The following RANBP10 variants were observed in gnomAD, a reference collection of about 807,000 sequenced individuals.
The protein encoded by RANBP10 is RAN binding protein 10.
Under a neutral mutation model 72.8 loss-of-function variants are expected in RANBP10, and 24 were observed. The ratio of observed to expected loss-of-function variants is 0.33; its 90% confidence interval spans 0.24 to 0.46. The LOEUF is 0.46. Among genes scored for constraint, RANBP10 ranks in the 20% least tolerant of loss-of-function variants. The probability of loss-of-function intolerance (pLI) is 1.00; values close to 1 mark genes in which losing one functional copy is unlikely to be tolerated. For synonymous variants in RANBP10, 310 were observed against 322.3 expected (o/e 0.96, Z 0.41); for missense variants, 679 against 817.5 (o/e 0.83, Z 2.07).
Position 67,730,275 on chromosome 16 carries a change from G to A in RANBP10, c.890-229C>T, listed in dbSNP as rs971372543. ...AAGAATATGGGGAAGATGGAGGGGA[G>A]ACTCTCAGCCCAAAGGCAGGAGGGT... On this transcript the variant is annotated intron_variant, in intron 7 of 13. Transcript: ENST00000317506. The surrounding 1 kb of genome is among the most constrained non-coding windows in gnomAD (Gnocchi z 4.3). Among the ~76,000 whole-genome samples, 3 of 152,192 alleles carry A rather than the reference G, an allele frequency of 2.0e-5. No homozygotes were observed. Among genetic ancestry groups the A allele is most frequent in the Admixed American group, 1.3e-4 (2 of 15,288 alleles).
chr16:67,737,890 T>C (rs1292918388), intron 5 of RANBP10, 123 bp downstream of exon 5: 2 of 1,302,212 alleles, frequency 1.5e-6, no homozygotes, highest in Non-Finnish European at 2.2e-6. Context: ...GCTGACAGCA[T>C]GGCACACATC....
chr16:67,727,373 G>A lies in RANBP10; in HGVS notation c.1686C>T (p.Pro562=), dbSNP rs780315783. Residue 562 remains proline, a synonymous_variant, in exon 13 of 14, where the codon CCC becomes CCT. Coordinates refer to ENST00000317506, the MANE Select transcript of RANBP10 (RefSeq NM_020850.3). Reference sequence around the variant, plus strand: ...CAGCACACACAGGTTCCCTCTGGATGGGGTCAAGCTGCTGGCCAACTGGGC... The same window carrying A: ...CAGCACACACAGGTTCCCTCTGGATAGGGTCAAGCTGCTGGCCAACTGGGC... ...WSCPVGQQLD[P]IQREPVCAAL... The A allele has an allele frequency of 1.9e-5, 31 of 1,613,734 alleles. No homozygotes were observed. Among genetic ancestry groups the A allele is most frequent in the Non-Finnish European group, 2.1e-5 (25 of 1,179,946 alleles).
At chr16:67,786,349 A>T (rs117546864) in intron 2 of RANBP10, among the ~76,000 whole-genome samples, 4,493 of 152,218 alleles carry the variant, frequency 0.03, 96 homozygotes, top group Middle Eastern at 0.16. Flanking sequence ...AAATAAAAAT[A>T]AAAAATAAGA....
intron 6 of RANBP10, among the ~76,000 whole-genome samples, chr16:67,734,055 CCT>C (rs1456003985): frequency 3.1e-4 from 47 of 152,198 alleles, no homozygotes; most frequent in African/African-American, 1.0e-3. Context: ...CTAGCCCCTG[CCT>C]CAGCCCATCC....
At position 67,805,549 on chromosome 16, in the gene RANBP10, G is replaced by A. The variant is rs779593762; in HGVS notation, c.236-10C>T. ...TGATTTTTGCCATGACCTAACAGGA[G>A]AGGGCAAGTAAGAAATTTCAGCAGA... On this transcript the variant is annotated splice_polypyrimidine_tract_variant and intron_variant, in intron 1 of 13. Coordinates refer to ENST00000317506, the MANE Select transcript of RANBP10 (RefSeq NM_020850.3). 6 of 1,611,020 alleles carry A rather than the reference G, an allele frequency of 3.7e-6. No homozygotes were observed. The highest frequency in any genetic ancestry group is 4.2e-6 in the Non-Finnish European group (5 of 1,177,980).
At chr16:67,766,553 G>A (rs912154111) in intron 3 of RANBP10, among the ~76,000 whole-genome samples, 2 of 151,760 alleles carry the variant, frequency 1.3e-5, no homozygotes, top group South Asian at 2.1e-4. Flanking sequence ...GGTACCCCCC[G>A]CCCCCACACT....
At chr16:67,774,866 T>C (rs1258813906) in intron 2 of RANBP10, among the ~76,000 whole-genome samples, 1 of 152,170 alleles carries the variant, frequency 6.6e-6, no homozygotes, top group Non-Finnish European at 1.5e-5. Flanking sequence ...ATCCAACCAA[T>C]CTGAGAGAAA....
intron 2 of RANBP10, among the ~76,000 whole-genome samples, chr16:67,779,490 A>G (rs1458189742): frequency 6.6e-6 from 1 of 152,148 alleles, no homozygotes; most frequent in Non-Finnish European, 1.5e-5. Context: ...GGGCATAACA[A>G]AAACCTCAAA....
intron 5 of RANBP10, among the ~76,000 whole-genome samples, chr16:67,736,166 CTTT>C (rs1014514502): frequency 1.4e-5 from 2 of 146,552 alleles, no homozygotes; most frequent in Admixed American, 6.8e-5. Flanking sequence ...GTATCATGCA[CTTT>C]TTTTTTTTTG....
intron 3 of RANBP10, 148 bp from the exon 4 acceptor site, chr16:67,744,603 CAG>C (rs1370923830): frequency 6.0e-6 from 5 of 830,392 alleles, no homozygotes; most frequent in Admixed American, 2.8e-5. Flanking sequence ...CACCAATAGA[CAG>C]AGTCTGGCTG....
At chr16:67,780,871 G>A (rs1180212240) in intron 2 of RANBP10, among the ~76,000 whole-genome samples, 1 of 152,264 alleles carries the variant, frequency 6.6e-6, no homozygotes, top group Non-Finnish European at 1.5e-5. Context: ...TGCTCAGTCA[G>A]AGTTAGCAGC....
chr16:67,747,817 C>CTTTTTTT (rs1160482023), intron 3 of RANBP10, among the ~76,000 whole-genome samples: 1 of 121,326 alleles, frequency 8.2e-6, no homozygotes, highest in Non-Finnish European at 1.8e-5. Flanking sequence ...ATTTTCTTTT[C>CTTTTTTT]TTTTTTTTTT....
chr16:67,735,091 C>A, intron 5 of RANBP10, 49 bp from the exon 6 acceptor site: 2 of 1,500,198 alleles, frequency 1.3e-6, no homozygotes, highest in South Asian at 1.3e-5. Context: ...CAGTGGGGTT[C>A]TAAGGCCTCA....
chr16:67,756,160 A>T (rs879444050), intron 3 of RANBP10, among the ~76,000 whole-genome samples: 5 of 152,204 alleles, frequency 3.3e-5, no homozygotes, highest in African/African-American at 4.8e-5. Context: ...TGCCCTAGAG[A>T]TGGAAGACTC....
At chr16:67,791,683 C>T (rs2055031128) in intron 2 of RANBP10, among the ~76,000 whole-genome samples, 1 of 152,180 alleles carries the variant, frequency 6.6e-6, no homozygotes, top group Admixed American at 6.6e-5. Flanking sequence ...CACAGTTCAG[C>T]AGGCTGGCAA....
At chr16:67,757,183 C>T (rs923576016) in intron 3 of RANBP10, among the ~76,000 whole-genome samples, 1 of 152,194 alleles carries the variant, frequency 6.6e-6, no homozygotes, top group African/African-American at 2.4e-5. Context: ...ACTCCAGTCT[C>T]ACCAGGGAGA....
At chr16:67,799,490 T>C (rs1329014561) in intron 2 of RANBP10, among the ~76,000 whole-genome samples, 1 of 152,040 alleles carries the variant, frequency 6.6e-6, no homozygotes, top group Non-Finnish European at 1.5e-5. Flanking sequence ...GGTTTCACCA[T>C]GTTAGCCACG....
At chr16:67,733,346 T>A (rs962331339) in intron 6 of RANBP10, among the ~76,000 whole-genome samples, 1 of 152,104 alleles carries the variant, frequency 6.6e-6, no homozygotes, top group Non-Finnish European at 1.5e-5. Flanking sequence ...GCCTGGGCAA[T>A]AGAGTAAACT....
At chr16:67,772,158 A>G (rs2054619892) in intron 2 of RANBP10, 72 bp from the exon 3 acceptor site, 1 of 1,492,096 alleles carries the variant, frequency 6.7e-7, no homozygotes, top group South Asian at 1.2e-5. Context: ...CTTCTCAAAC[A>G]TTTATTGGTA....
Sources: allele counts gnomAD v4.1 joint callset (sites outside exome capture counted in the v4.1 genomes callset), GRCh38; gene constraint gnomAD v4.1.1; non-coding constraint Gnocchi (gnomAD v3.1); transcripts MANE v1.5; gene names NCBI Gene and HGNC (gene_info 2026-07-23, HGNC 2026-07-21).